Variants in RNGTT observed in about 807,000 individuals in gnomAD.
RNGTT encodes the protein RNA guanylyltransferase and 5'-phosphatase.
RNGTT carries 33 observed loss-of-function variants against 79.3 expected under a neutral mutation model. The ratio of observed to expected loss-of-function variants is 0.42; its 90% CI spans 0.32 to 0.56. The LOEUF (loss-of-function observed/expected upper bound fraction) is 0.56, where lower values mean the gene tolerates loss of function less well. Among genes scored for constraint, RNGTT ranks in the 20% least tolerant of loss-of-function variants. RNGTT has a pLI of 0.17. For synonymous variants in RNGTT, 222 were observed against 235.9 expected (o/e 0.94, Z 0.54); for missense variants, 497 against 739.1 (o/e 0.67, Z 3.80).
intron 14 of RNGTT, among the ~76,000 whole-genome samples, chr6:88,632,934 G>T (rs545824969): frequency 1.3e-5 from 2 of 152,132 alleles, no homozygotes; most frequent in East Asian, 3.9e-4. Context: ...GTCTCTTTTC[G>T]AACAATGACT....
At chr6:88,759,772 G>C (rs79923079) in intron 13 of RNGTT, among the ~76,000 whole-genome samples, 491 of 152,130 alleles carry the variant, frequency 3.2e-3, no homozygotes, top group African/African-American at 0.011. Flanking sequence ...TAATAAAAAA[G>C]GAGTTCAAGA....
chr6:88,747,515 T>C (rs908991838), intron 13 of RNGTT, among the ~76,000 whole-genome samples: 3 of 152,164 alleles, frequency 2.0e-5, no homozygotes, highest in African/African-American at 7.2e-5. Flanking sequence ...CTGAAGGAGA[T>C]AGTTGGAGGA....
intron 13 of RNGTT, among the ~76,000 whole-genome samples, chr6:88,698,246 G>C (rs1482156921): frequency 7.0e-5 from 6 of 86,046 alleles, no homozygotes; most frequent in South Asian, 5.6e-4. Flanking sequence ...ATATATATAT[G>C]AAATATATAT....
At chr6:88,693,574 T>C (rs1250701976) in intron 13 of RNGTT, among the ~76,000 whole-genome samples, 1 of 151,938 alleles carries the variant, frequency 6.6e-6, no homozygotes, top group East Asian at 1.9e-4. Context: ...TTCCCAAAAA[T>C]CCAAGAGGAG....
At chr6:88,819,637 C>T (rs1285024225) in intron 11 of RNGTT, among the ~76,000 whole-genome samples, 5 of 152,134 alleles carry the variant, frequency 3.3e-5, no homozygotes, top group Admixed American at 1.3e-4. Flanking sequence ...TTGAATCATC[C>T]TTGTCTTCTT....
chr6:88,868,020 C>T (rs575758608), intron 8 of RNGTT, among the ~76,000 whole-genome samples: 2 of 152,266 alleles, frequency 1.3e-5, no homozygotes, highest in East Asian at 3.9e-4. Context: ...TTTTCTTCCT[C>T]CAGTCACATA....
chr6:88,842,444 T>C (rs1781325052), intron 11 of RNGTT, among the ~76,000 whole-genome samples: 1 of 150,676 alleles, frequency 6.6e-6, no homozygotes, highest in Non-Finnish European at 1.5e-5. Flanking sequence ...GTCATATGAG[T>C]GATACTAAAA....
chr6:88,759,070 T>C (rs1383409375), intron 13 of RNGTT, among the ~76,000 whole-genome samples: 1 of 152,216 alleles, frequency 6.6e-6, no homozygotes, highest in East Asian at 1.9e-4. Context: ...CATTTACCAA[T>C]CAGCATTCTG....
chr6:88,667,267 C>A (rs1182190400), intron 14 of RNGTT, among the ~76,000 whole-genome samples: 1 of 152,178 alleles, frequency 6.6e-6, no homozygotes, highest in Non-Finnish European at 1.5e-5. Flanking sequence ...GGTTACCAGA[C>A]AGAAGAGTAG....
chr6:88,625,979 A>C (rs1386022051), intron 14 of RNGTT, among the ~76,000 whole-genome samples: 1 of 151,940 alleles, frequency 6.6e-6, no homozygotes, highest in East Asian at 1.9e-4. Context: ...ATAATTATGG[A>C]ATACTAACTA....
chr6:88,771,346 TATATAC>T (rs1366674237), intron 12 of RNGTT, among the ~76,000 whole-genome samples: 45 of 131,486 alleles, frequency 3.4e-4, no homozygotes, highest in East Asian at 1.3e-3. Context: ...TATATATATA[TATATAC>T]ACACACACAC....
chr6:88,809,775 A>C (rs1473632946), intron 11 of RNGTT, among the ~76,000 whole-genome samples: 1 of 151,640 alleles, frequency 6.6e-6, no homozygotes, highest in Non-Finnish European at 1.5e-5. Context: ...ATGACCAGGC[A>C]CAATGGCTCA....
intron 12 of RNGTT, among the ~76,000 whole-genome samples, chr6:88,800,570 A>G (rs574279464): frequency 2.8e-4 from 42 of 152,248 alleles, no homozygotes; most frequent in Non-Finnish European, 5.4e-4. Context: ...TGCACATGAA[A>G]TAAACTCTTT....
chr6:88,691,179 A>C (rs545542030), intron 13 of RNGTT, among the ~76,000 whole-genome samples: 55 of 152,242 alleles, frequency 3.6e-4, no homozygotes, highest in African/African-American at 1.3e-3. Flanking sequence ...ATAATAGTGA[A>C]TGAGTTCTCA....
chr6:88,800,589 G>A (rs1435020482), intron 12 of RNGTT, among the ~76,000 whole-genome samples: 1 of 152,214 alleles, frequency 6.6e-6, no homozygotes, highest in Non-Finnish European at 1.5e-5. Context: ...TTCCTATAGA[G>A]TAAGTAGCTC....
At chr6:88,743,661 T>C (rs1383242596) in intron 13 of RNGTT, among the ~76,000 whole-genome samples, 1 of 152,206 alleles carries the variant, frequency 6.6e-6, no homozygotes, top group Non-Finnish European at 1.5e-5. Flanking sequence ...TCCTATCTTT[T>C]TAAGGTTGAA....
chr6:88,799,719 A>C (rs902441953), intron 12 of RNGTT, among the ~76,000 whole-genome samples: 3 of 151,320 alleles, frequency 2.0e-5, no homozygotes, highest in African/African-American at 4.9e-5. Flanking sequence ...AAAAAAAAAA[A>C]AAAAGTATGG....
chr6:88,963,328 C>T lies in RNGTT; in HGVS notation c.64+18G>A. ...ACGTTGGAGTGTGGGGATTCGAACG[C>T]CCCCCAGTCCAGGTTACCTGCCACC... is the stretch of plus-strand genomic sequence containing the variant. On this transcript the variant is annotated intron_variant, in intron 1 of 15. Transcript: ENST00000369485. 4 of 1,611,402 alleles carry T rather than the reference C, an allele frequency of 2.5e-6. No homozygotes were observed. The highest frequency in any genetic ancestry group is 3.4e-6 in the Non-Finnish European group (4 of 1,178,604).
At chr6:88,917,454 A>T (rs1440324640) in intron 4 of RNGTT, among the ~76,000 whole-genome samples, 1 of 152,230 alleles carries the variant, frequency 6.6e-6, no homozygotes, top group Non-Finnish European at 1.5e-5. Context: ...TGTGGTAAGA[A>T]ATGCCAAATG....
Sources: gnomAD v4.1 joint callset for allele counts (sites outside exome capture counted in the v4.1 genomes callset) on GRCh38, gnomAD v4.1.1 for gene constraint, MANE v1.5 for transcripts, NCBI Gene and HGNC (gene_info 2026-07-23, HGNC 2026-07-21) for gene names.